Variants in WDHD1 observed in about 807,000 individuals in gnomAD.
The protein encoded by WDHD1 is WD repeat and HMG-box DNA binding protein 1.
In WDHD1, 111 loss-of-function variants were observed where a neutral mutation model predicts 135.4. The observed-to-expected ratio is 0.82, with a 90% CI of 0.70 to 0.96. The LOEUF is 0.96. Ranked by LOEUF, WDHD1 falls within the 40% of genes least tolerant of loss-of-function variation. The probability of loss-of-function intolerance (pLI) is 0.00; values close to 1 mark genes in which losing one functional copy is unlikely to be tolerated. For missense variants in WDHD1, 1,351 were observed against 1,336.3 expected, an observed-to-expected ratio of 1.01 and a Z score of -0.17; for synonymous variants, 434 against 439.0, an observed-to-expected ratio of 0.99 and a Z score of 0.14.
chr14:54,992,019 C>A (rs917142420), intron 11 of WDHD1, among the ~76,000 whole-genome samples: 1 of 152,052 alleles, frequency 6.6e-6, no homozygotes, highest in African/African-American at 2.4e-5. Flanking sequence ...TTTGCAAGGC[C>A]GAGGCAGGCA....
chr14:54,955,019 A>G (rs1027541705), intron 24 of WDHD1, among the ~76,000 whole-genome samples: 4 of 152,216 alleles, frequency 2.6e-5, no homozygotes, highest in Admixed American at 1.3e-4. Flanking sequence ...GTGAGCCACC[A>G]TGCCCAGCCA....
chr14:55,003,206 T>C (rs2042003586), intron 7 of WDHD1, among the ~76,000 whole-genome samples: 1 of 152,068 alleles, frequency 6.6e-6, no homozygotes. Flanking sequence ...ATCTAGAATG[T>C]ACATTGTTAA....
At position 55,027,040 on chromosome 14, in the gene WDHD1, G is replaced by C. The variant is rs935891667; in HGVS notation, c.-29C>G. On this transcript the variant is annotated 5_prime_UTR_variant, in exon 1 of 26. Transcript: ENST00000360586. ...AGTGGGGACTCACCCGGGTGACCGA[G>C]CCTCCGCCACTGAGGATCCACAAGA... 6 of 489,684 alleles carry C rather than the reference G, an allele frequency of 1.2e-5. No individual in the cohort carries two copies. Among genetic ancestry groups the C allele is most frequent in the East Asian group, 7.0e-5 (2 of 28,642 alleles). The allele number at this position is 489,684 out of a possible 1,614,324, so 30.3% of individuals were successfully genotyped here. A position where few individuals can be genotyped will look rare whatever the true frequency, so the allele number is the denominator to read the frequency against.
In WDHD1 at chr14:54,939,045, T is replaced by C. The variant is rs2040803713; in HGVS notation, c.*2445A>G. The C allele has an allele frequency of 6.6e-6, 1 of 152,126 alleles. No individual in the cohort carries two copies. Among genetic ancestry groups the C allele is most frequent in the Non-Finnish European group, 1.5e-5 (1 of 68,024 alleles). 9.4% of individuals were successfully genotyped at this position (152,126 alleles called of 1,614,324 possible). A position where few individuals can be genotyped will look rare whatever the true frequency, so the allele number is the denominator to read the frequency against. The stretch of plus-strand genomic sequence containing the variant: ...AATGGTTCAGGAAAAATCCTGTCTA[T>C]AAAGCATACATGATAAAATGTCAAC... On this transcript the variant is annotated 3_prime_UTR_variant, in exon 26 of 26. Transcript: ENST00000360586.
intron 16 of WDHD1, among the ~76,000 whole-genome samples, chr14:54,978,109 T>C (rs1376824900): frequency 1.3e-5 from 2 of 152,164 alleles, no homozygotes; most frequent in African/African-American, 4.8e-5. Flanking sequence ...ACTAACAAAA[T>C]GAATAATCTT....
chr14:54,983,843 A>G (rs1209704883), intron 15 of WDHD1, among the ~76,000 whole-genome samples: 1 of 152,190 alleles, frequency 6.6e-6, no homozygotes, highest in East Asian at 1.9e-4. Context: ...TTTTAAAGAA[A>G]AAAAGGATGA....
intron 16 of WDHD1, among the ~76,000 whole-genome samples, chr14:54,980,560 T>C (rs879362406): frequency 6.6e-6 from 1 of 151,738 alleles, no homozygotes; most frequent in Non-Finnish European, 1.5e-5. Flanking sequence ...GCCTGTACTT[T>C]GGGTGGATCA....
chr14:55,007,957 C>T (rs1335744489), intron 6 of WDHD1, among the ~76,000 whole-genome samples: 1 of 152,146 alleles, frequency 6.6e-6, no homozygotes, highest in East Asian at 1.9e-4. Context: ...GTATATGTGA[C>T]TCTCCAAATC....
At chr14:54,955,034 A>G (rs2041129573) in intron 24 of WDHD1, among the ~76,000 whole-genome samples, 1 of 152,246 alleles carries the variant, frequency 6.6e-6, no homozygotes, top group African/African-American at 2.4e-5. Context: ...CAGCCAGTAT[A>G]AAGAAGTTCT....
rs1445242432 is a variant in WDHD1, at chr14:54,957,611, C to T, written c.2726G>A (p.Gly909Glu). The change falls in exon 22 of 26, where the codon GGA becomes GAA. Residue 909 changes from glycine (G) to glutamate (E), a missense_variant. Around this residue, in one of 2 missense-constraint regions of WDHD1, gnomAD observed 1,330 missense variants for 1,296.1 expected, o/e 1.03. Coordinates refer to ENST00000360586, the MANE Select transcript of WDHD1 (RefSeq NM_007086.4). ...KSGAVTFSSQ[G>E]RVNPFKVSAS... is the part of the protein sequence containing the mutation. ...GTTTACCTTAAAGGGATTTACTCGT[C>T]CTTGGCTGCTAAAGGTAACTGCACC... The T allele has an allele frequency of 6.2e-7, 1 of 1,607,116 alleles. No homozygotes were observed.
intron 25 of WDHD1, 65 bp downstream of exon 25, chr14:54,944,267 T>C: frequency 1.3e-6 from 2 of 1,587,588 alleles, no homozygotes; most frequent in South Asian, 2.3e-5. Flanking sequence ...CAAAAGGCAT[T>C]TCTATAAGAA....
chr14:54,942,331 G>C lies in WDHD1; in HGVS notation c.3190-641C>G, dbSNP rs533466575. 2.6e-5 allele frequency among the ~76,000 whole-genome samples: 4 copies of C among 152,218 alleles called. No homozygotes were observed. The East Asian group carries it at 7.7e-4, about 29-fold the overall frequency. ...GATAATTGCAGTTTCACATGCAGTTGTATGAAATAATACAGAAAGATCCTG... is the reference window on the plus strand; with the variant it reads ...GATAATTGCAGTTTCACATGCAGTTCTATGAAATAATACAGAAAGATCCTG... On this transcript the variant is annotated intron_variant, in intron 25 of 25. Transcript: ENST00000360586.
At chr14:54,950,551 G>C (rs1001191096) in intron 24 of WDHD1, among the ~76,000 whole-genome samples, 1 of 152,044 alleles carries the variant, frequency 6.6e-6, no homozygotes, top group Admixed American at 6.6e-5. Context: ...ATAATAATGG[G>C]AGACTTTAAC....
chr14:55,023,476 T>C (rs1277189073), intron 2 of WDHD1, among the ~76,000 whole-genome samples: 1 of 152,220 alleles, frequency 6.6e-6, no homozygotes, highest in East Asian at 1.9e-4. Context: ...CAATCTACAG[T>C]ACATTATCAG....
At chr14:54,967,915 C>T (rs571904969) in intron 16 of WDHD1, among the ~76,000 whole-genome samples, 20 of 152,106 alleles carry the variant, frequency 1.3e-4, no homozygotes, top group Non-Finnish European at 2.8e-4. Context: ...GCTACCCTGC[C>T]CAACCTCACA....
rs951145679 is a variant in WDHD1, at chr14:54,994,787, C to T, written c.1153+816G>A. ...AAAAAAAAAAAAAAATCCGGTTGCA[C>T]TCATAACATATCTCAGTTTGAACTA... On this transcript the variant is annotated intron_variant, in intron 11 of 25. Transcript: ENST00000360586. 2.0e-5 allele frequency among the ~76,000 whole-genome samples: 3 copies of T among 151,516 alleles called. No homozygotes were observed. The East Asian group carries it at 5.8e-4, about 29-fold the overall frequency.
In WDHD1 at chr14:54,955,663, T is replaced by C; in HGVS notation, c.2948A>G (p.Asn983Ser). The C allele has an allele frequency of 6.3e-7, 1 of 1,584,962 alleles. No individual in the cohort carries two copies. Among genetic ancestry groups the C allele is most frequent in the Non-Finnish European group, 8.6e-7 (1 of 1,168,996 alleles). The change falls in exon 24 of 26, where the codon AAT (asparagine) becomes AGT (serine). Residue 983 changes from asparagine (N) to serine (S), a missense_variant. Around this residue, in one of 2 missense-constraint regions of WDHD1, gnomAD observed 1,330 missense variants for 1,296.1 expected, o/e 1.03. Coordinates refer to ENST00000360586, the MANE Select transcript of WDHD1 (RefSeq NM_007086.4). ...ASAASYFQKR[N>S]SQTNKTEEVK... Reference sequence around the variant, plus strand: ...TTCCTCAGTTTTATTAGTTTGAGAATTTCTTTTCTGGAAATAGGATGCTGC... The same window carrying C: ...TTCCTCAGTTTTATTAGTTTGAGAACTTCTTTTCTGGAAATAGGATGCTGC...
At position 54,984,969 on chromosome 14, in the gene WDHD1, G is replaced by A. The variant is rs528308941; in HGVS notation, c.1769-109C>T. Reference sequence around the variant, plus strand: ...TTGTGGTAAATTACTAGACTGACTAGCACTACTTTTTATGAATAACCCATC... The same window carrying A: ...TTGTGGTAAATTACTAGACTGACTAACACTACTTTTTATGAATAACCCATC... On this transcript the variant is annotated intron_variant, in intron 14 of 25. Coordinates refer to ENST00000360586, the MANE Select transcript of WDHD1 (RefSeq NM_007086.4). 8.6e-6 allele frequency: 12 copies of A among 1,391,282 alleles called. No homozygotes were observed. The South Asian group carries it at 1.5e-4, about 17-fold the overall frequency. The allele number at this position is 1,391,282 out of a possible 1,614,324, so 86.2% of individuals were successfully genotyped here.
chr14:54,943,963 CA>C (rs996083352), intron 25 of WDHD1, among the ~76,000 whole-genome samples: 1 of 151,974 alleles, frequency 6.6e-6, no homozygotes, highest in African/African-American at 2.4e-5. Flanking sequence ...AAAAACAAAA[CA>C]AAAAACCCAT....
Sources: gnomAD v4.1 joint callset for allele counts (sites outside exome capture counted in the v4.1 genomes callset) on GRCh38, gnomAD v4.1.1 for gene constraint, gnomAD v4.1.1 regional missense constraint, MANE v1.5 for transcripts, NCBI Gene and HGNC (gene_info 2026-07-23, HGNC 2026-07-21) for gene names.